The following INTS1 variants were observed in gnomAD, a reference collection of about 807,000 sequenced individuals.
The protein encoded by INTS1 is integrator complex subunit 1.
Under a neutral mutation model 241.6 loss-of-function variants are expected in INTS1, and 137 were observed. The ratio of observed to expected loss-of-function variants is 0.57; its 90% CI spans 0.49 to 0.65. The LOEUF (loss-of-function observed/expected upper bound fraction) is 0.65. Among genes scored for constraint, INTS1 ranks in the 30% least tolerant of loss-of-function variants. The pLI is 0.00. For missense variants in INTS1, 3,073 were observed against 3,032.2 expected, an observed-to-expected ratio of 1.01 and a Z score of -0.32; for synonymous variants, 1,692 against 1,337.8, an observed-to-expected ratio of 1.26 and a Z score of -5.78.
intron 39 of INTS1, among the ~76,000 whole-genome samples, chr7:1,475,511 T>A (rs1271052886): frequency 2.6e-5 from 4 of 152,236 alleles, no homozygotes; most frequent in South Asian, 4.1e-4. Context: ...GAAGACAGGC[T>A]GCAGGTTCCG....
rs10279407 is a variant in INTS1 at position 1,488,051 on chromosome 7, C to A, written c.2319-94G>T. 5.4e-6 allele frequency: 7 copies of A among 1,303,226 alleles called. No homozygotes were observed. In the Admixed American group the frequency reaches 1.2e-4, roughly 23 times the overall value. The allele number at this position is 1,303,226 out of a possible 1,614,324, so 80.7% of individuals were successfully genotyped here. ...AGGGTCAAGGAGGGTAAAACCCCTA[C>A]GGCTGCTGCTGCCTCTGCTGCACAG... On this transcript the variant is annotated intron_variant, in intron 18 of 47. Coordinates refer to ENST00000404767, the MANE Select transcript of INTS1 (RefSeq NM_001080453.3).
At chr7:1,494,969 C>T in intron 13 of INTS1, 76 bp from the exon 14 acceptor site, 2 of 1,513,260 alleles carry the variant, frequency 1.3e-6, no homozygotes, top group Non-Finnish European at 1.8e-6. Context: ...AGGGAAGGGA[C>T]CCCGCTCCCA....
rs1411059500 is a variant in INTS1 at position 1,470,832 on chromosome 7, G to A, written c.6457+14C>T. 9.6e-6 allele frequency: 15 copies of A among 1,567,162 alleles called. No individual in the cohort carries two copies. In the South Asian group the frequency reaches 1.8e-4, roughly 18 times the overall value. On this transcript the variant is annotated intron_variant, in intron 47 of 47. Coordinates refer to ENST00000404767, the MANE Select transcript of INTS1 (RefSeq NM_001080453.3). ...GAGGGCTGCCAGGGCCCTGGGCGGGGGGCCAGTCCTCACCTTGGCACAGGA... is the reference window on the plus strand; with the variant it reads ...GAGGGCTGCCAGGGCCCTGGGCGGGAGGCCAGTCCTCACCTTGGCACAGGA...
rs754042710 is a variant in INTS1 at position 1,476,078 on chromosome 7, G to A, written c.5379-7C>T. The A allele has an allele frequency of 1.8e-5, 28 of 1,540,030 alleles. No individual in the cohort carries two copies. In the African/African-American group the frequency reaches 3.0e-4, roughly 17 times the overall value. On this transcript the variant is annotated splice_region_variant and splice_polypyrimidine_tract_variant and intron_variant, in intron 38 of 47. Transcript: ENST00000404767. The stretch of plus-strand genomic sequence containing the variant: ...GCAGCGCCTGCCCAGCACGCTGGAA[G>A]AGGTGGAGCAGGGCTCACCAGGCGG...
At chr7:1,503,760 A>G in intron 2 of INTS1, 143 bp downstream of exon 2, 2 of 628,458 alleles carry the variant, frequency 3.2e-6, no homozygotes, top group Non-Finnish European at 5.6e-6. Context: ...GACCGAGAGC[A>G]GTGTTTCCAG....
At position 1,486,959 on chromosome 7, in the gene INTS1, T is replaced by A. The variant is rs753611773; in HGVS notation, c.2789A>T (p.Glu930Val). 30 of 1,607,692 alleles carry A rather than the reference T, an allele frequency of 1.9e-5. No homozygotes were observed. Among genetic ancestry groups the A allele is most frequent in the Non-Finnish European group, 1.6e-5 (19 of 1,179,246 alleles). The stretch of plus-strand genomic sequence containing the variant: ...GGCCTTCTGCTCCTTGCTCTCGCCC[T>A]CGTCGTCCTCCTCCCCGGAAGCAGC... ...DDAASGEEDDEGESKEQKAKK... is the reference protein window; with the variant it reads ...DDAASGEEDDVGESKEQKAKK... Residue 930 changes from glutamate to valine, a missense_variant, in exon 21 of 48, where the codon GAG becomes GTG. Transcript: ENST00000404767.
At chr7:1,471,729 C>T in intron 44 of INTS1, 88 bp from the exon 45 acceptor site, 1 of 1,252,098 alleles carries the variant, frequency 8.0e-7, no homozygotes, top group Non-Finnish European at 1.2e-6. Flanking sequence ...GGGGCAAGGC[C>T]CCGAGCACCA....
In INTS1 at chr7:1,479,487, G is replaced by A; in HGVS notation, c.4272C>T (p.Ser1424=). Residue 1424 remains serine, a synonymous_variant, in exon 31 of 48, where the codon TCC becomes TCT. Transcript: ENST00000404767. ...AGGCCAGGAAGTGGCTACGGTGCAT[G>A]GACATCACCAGGGCACCGCCGTGTG... ...SSPHGGALVM[S]MHRSHFLACP... The A allele has an allele frequency of 6.3e-7, 1 of 1,576,888 alleles. No homozygotes were observed. The highest frequency in any genetic ancestry group is 1.2e-5 in the South Asian group (1 of 85,788).
At chr7:1,480,762 A>C in intron 29 of INTS1, 73 bp downstream of exon 29, 1 of 1,234,704 alleles carries the variant, frequency 8.1e-7, no homozygotes, top group Admixed American at 2.1e-5. Context: ...CCCCCTCCCC[A>C]GGCTGGGTCT....
chr7:1,503,840 T>TCCCCCAAGAC (rs142464192), intron 2 of INTS1, 63 bp downstream of exon 2: 14 of 898,424 alleles, frequency 1.6e-5, no homozygotes, highest in East Asian at 3.6e-5. Context: ...GCAGCTGAGA[T>TCCCCCAAGAC]CCCCAAAGAC....
chr7:1,474,020 G>A (rs1781594381), intron 41 of INTS1, 148 bp downstream of exon 41: 1 of 939,742 alleles, frequency 1.1e-6, no homozygotes, highest in Non-Finnish European at 1.5e-6. Context: ...GGGCTTCCCA[G>A]GGTGGGAGCT....
At chr7:1,489,904 T>A (rs539739739) in intron 16 of INTS1, among the ~76,000 whole-genome samples, 1 of 152,274 alleles carries the variant, frequency 6.6e-6, no homozygotes, top group East Asian at 1.9e-4. Flanking sequence ...AGTCTCTGTT[T>A]CCCATCTACA....
intron 44 of INTS1, among the ~76,000 whole-genome samples, chr7:1,471,979 T>C (rs1180104460): frequency 6.6e-6 from 1 of 151,576 alleles, no homozygotes; most frequent in Non-Finnish European, 1.5e-5. Context: ...GCCCACCCGC[T>C]GGTCTTGCCC....
intron 22 of INTS1, 181 bp from the exon 23 acceptor site, chr7:1,485,650 C>T (rs912435178): frequency 1.1e-4 from 72 of 650,518 alleles, no homozygotes; most frequent in Admixed American, 6.2e-4. Context: ...TTAAATGCTT[C>T]TGTTCAAGTT....
rs749515268 is a variant in INTS1, at chr7:1,477,909, G to GA, written c.4657dup (p.Ser1553PhefsTer26). 3.1e-6 allele frequency: 5 copies of GA among 1,612,538 alleles called. No individual in the cohort carries two copies. Among genetic ancestry groups the GA allele is most frequent in the East Asian group, 2.2e-5 (1 of 44,884 alleles). ...AGTCAGCAGCTCCTCCAGGTGGGGG[G>GA]ACCTCACCTCGATCAGCCCCTGGAG... is the stretch of plus-strand genomic sequence containing the variant. On this transcript the variant is annotated frameshift_variant, in exon 34 of 48. Coordinates refer to ENST00000404767, the MANE Select transcript of INTS1 (RefSeq NM_001080453.3). LOFTEE classifies it high-confidence loss of function.
chr7:1,481,870 C>T lies in INTS1; in HGVS notation c.3704-382G>A, dbSNP rs901553105. Reference sequence around the variant, plus strand: ...GACCACCTTGCACCCTGGATGGCAGCTGTGTGGGCCCCATCCCCAGGGGTG... The same window carrying T: ...GACCACCTTGCACCCTGGATGGCAGTTGTGTGGGCCCCATCCCCAGGGGTG... On this transcript the variant is annotated intron_variant, in intron 27 of 47. Coordinates refer to ENST00000404767, the MANE Select transcript of INTS1 (RefSeq NM_001080453.3). The surrounding 1 kb of genome is among the most constrained non-coding windows in gnomAD (Gnocchi z 6.8). 2.0e-5 allele frequency among the ~76,000 whole-genome samples: 3 copies of T among 152,056 alleles called. No individual in the cohort carries two copies. The highest frequency in any genetic ancestry group is 7.2e-5 in the African/African-American group (3 of 41,440).
At chr7:1,480,499 G>A in intron 29 of INTS1, 58 bp from the exon 30 acceptor site, 1 of 1,576,514 alleles carries the variant, frequency 6.3e-7, no homozygotes, top group Non-Finnish European at 8.6e-7. Flanking sequence ...TTCCAGCGGT[G>A]GGAACTGTAC....
intron 8 of INTS1, 45 bp downstream of exon 8, chr7:1,498,930 G>GGCCCCCCCCCCCCCCCCCCCC: frequency 1.4e-6 from 2 of 1,460,176 alleles, no homozygotes; most frequent in East Asian, 2.6e-5. Flanking sequence ...CACAGAGCCT[G>GGCCCCCCCCCCCCCCCCCCCC]CCCCCACCCC....
At position 1,472,348 on chromosome 7, in the gene INTS1, A is replaced by T; in HGVS notation, c.6109T>A (p.Ser2037Thr). Residue 2037 changes from serine to threonine, a missense_variant, in exon 44 of 48, where the codon TCC (serine) becomes ACC (threonine). Transcript: ENST00000404767. ...SAGSLPLVSV[S>T]LFTPLTAAEM... ...GCCGCGGTCAGAGGGGTGAACAGGG[A>T]GACGCTGACCAGGGGCAAGGAGCCG... 6.4e-7 allele frequency: 1 copy of T among 1,573,592 alleles called. No homozygotes were observed. Among genetic ancestry groups the T allele is most frequent in the Non-Finnish European group, 8.6e-7 (1 of 1,160,196 alleles).
Sources: allele counts gnomAD v4.1 joint callset (sites outside exome capture counted in the v4.1 genomes callset), GRCh38; gene constraint gnomAD v4.1.1; non-coding constraint Gnocchi (gnomAD v3.1); transcripts MANE v1.5; gene names NCBI Gene and HGNC (gene_info 2026-07-23, HGNC 2026-07-21).